The following CCDC18 variants were observed in gnomAD, a reference collection of about 807,000 sequenced individuals.
The protein encoded by CCDC18 is coiled-coil domain containing 18, also known as coiled-coil domain-containing protein 18.
In CCDC18, 157 loss-of-function variants were observed where a neutral mutation model predicts 196.0. The observed-to-expected ratio is 0.80, with a 90% CI of 0.70 to 0.91. The LOEUF (loss-of-function observed/expected upper bound fraction) is 0.91. Ranked by LOEUF, CCDC18 falls within the 40% of genes least tolerant of loss-of-function variation. The probability of loss-of-function intolerance (pLI) is 0.00; values close to 1 mark genes in which losing one functional copy is unlikely to be tolerated. For missense variants in CCDC18, 1,465 were observed against 1,611.6 expected (o/e 0.91, Z 1.56); for synonymous variants, 482 against 529.2 (o/e 0.91, Z 1.22).
chr1:93,270,400 A>C lies in CCDC18; in HGVS notation c.3939A>C (p.Glu1313Asp). ...QAKISGHEKA[E>D]DIKFLPAPFT... Reference sequence around the variant, plus strand: ...AAATTTCTGGACATGAAAAGGCAGAAGACATCAAGTTTCTGCCAGCCCCAT... The same window carrying C: ...AAATTTCTGGACATGAAAAGGCAGACGACATCAAGTTTCTGCCAGCCCCAT... The change falls in exon 28 of 29, where the codon GAA becomes GAC. Residue 1313 changes from glutamate (E) to aspartate (D), a missense_variant. By Grantham distance (45) the Glu-to-Asp change is conservative. Transcript: ENST00000690025. 1 of 1,550,306 alleles carries C rather than the reference A, an allele frequency of 6.5e-7. No individual in the cohort carries two copies. The highest frequency in any genetic ancestry group is 8.7e-7 in the Non-Finnish European group (1 of 1,146,794).
intron 19 of CCDC18, 26 bp from the exon 20 acceptor site, chr1:93,239,284 C>T (rs1570516670): frequency 1.4e-6 from 2 of 1,451,236 alleles, no homozygotes; most frequent in South Asian, 1.6e-5. Flanking sequence ...TCTAAATTAC[C>T]TGTTTTATTA....
chr1:93,242,489 G>T (rs1352089856), intron 21 of CCDC18, among the ~76,000 whole-genome samples: 1 of 152,158 alleles, frequency 6.6e-6, no homozygotes, highest in Non-Finnish European at 1.5e-5. Flanking sequence ...GATGAGATTT[G>T]GATGGGGTCA....
At chr1:93,271,265 C>T (rs1486532609) in intron 28 of CCDC18, 21 of 985,232 alleles carry the variant, frequency 2.1e-5, no homozygotes, top group Non-Finnish European at 2.5e-5. Flanking sequence ...AGTTGATTTA[C>T]TGAATTAGCC....
chr1:93,249,305 G>A (rs1661929044), intron 23 of CCDC18, among the ~76,000 whole-genome samples: 1 of 152,110 alleles, frequency 6.6e-6, no homozygotes, highest in Non-Finnish European at 1.5e-5. Context: ...GGTATGAGTT[G>A]TAATGTTTCC....
At chr1:93,272,831 A>G (rs1225480945) in intron 28 of CCDC18, among the ~76,000 whole-genome samples, 1 of 152,204 alleles carries the variant, frequency 6.6e-6, no homozygotes, top group Non-Finnish European at 1.5e-5. Flanking sequence ...CAGCTGTTGG[A>G]TATTGATAGG....
chr1:93,212,313 G>GT (rs372867774), intron 11 of CCDC18, 52 bp downstream of exon 11: 1,394 of 1,197,282 alleles, frequency 1.2e-3, no homozygotes, highest in South Asian at 2.8e-3. Flanking sequence ...TTGGATGATA[G>GT]TTTTTTTTTA....
At chr1:93,270,962 T>C (rs1665207591) in intron 28 of CCDC18, 148 bp downstream of exon 28, 4 of 1,385,866 alleles carry the variant, frequency 2.9e-6, no homozygotes, top group Middle Eastern at 2.7e-4. Context: ...GTAAAATCAA[T>C]ACCAAAAGAC....
At chr1:93,228,732 T>C (rs192938650) in intron 17 of CCDC18, among the ~76,000 whole-genome samples, 229 of 152,222 alleles carry the variant, frequency 1.5e-3, no homozygotes, top group African/African-American at 5.2e-3. Context: ...TACATTATTT[T>C]GGCATTTATT....
At chr1:93,184,445 A>T (rs1292144967) in intron 3 of CCDC18, among the ~76,000 whole-genome samples, 1 of 151,924 alleles carries the variant, frequency 6.6e-6, no homozygotes, top group Non-Finnish European at 1.5e-5. Flanking sequence ...CCTTGATTTT[A>T]ACACTACATC....
At chr1:93,249,862 A>G (rs1054022392) in intron 23 of CCDC18, among the ~76,000 whole-genome samples, 1 of 152,176 alleles carries the variant, frequency 6.6e-6, no homozygotes, top group Non-Finnish European at 1.5e-5. Context: ...AATTATTGCT[A>G]TAAACTTTCC....
At position 93,221,734 on chromosome 1, in the gene CCDC18, A is replaced by G; in HGVS notation, c.2088A>G (p.Glu696=). The G allele has an allele frequency of 6.3e-7, 1 of 1,598,084 alleles. No individual in the cohort carries two copies. The highest frequency in any genetic ancestry group is 1.4e-5 in the African/African-American group (1 of 73,808). Reference sequence around the variant, plus strand: ...AATCACTAGATAGACTCTTGACGGAAAGCAAAGGGGTAAAATCATCCTTAT... The same window carrying G: ...AATCACTAGATAGACTCTTGACGGAGAGCAAAGGGGTAAAATCATCCTTAT... ...HLESLDRLLT[E]SKGEMKKENM... Residue 696 remains glutamate, a synonymous_variant, in exon 15 of 29, where the codon GAA becomes GAG. Coordinates refer to ENST00000690025, the MANE Select transcript of CCDC18 (RefSeq NM_001378204.1).
At chr1:93,208,575 G>A (rs970416396) in intron 9 of CCDC18, among the ~76,000 whole-genome samples, 5 of 151,920 alleles carry the variant, frequency 3.3e-5, no homozygotes, top group East Asian at 1.9e-4. Flanking sequence ...GATTACAGGC[G>A]TGAGCCACCA....
chr1:93,194,407 C>T (rs6686544), intron 6 of CCDC18, among the ~76,000 whole-genome samples: 2,908 of 152,146 alleles, frequency 0.019, 85 homozygotes, highest in African/African-American at 0.066. Flanking sequence ...ATAATCTGTA[C>T]TAAGCAATTT....
In CCDC18 at chr1:93,246,206, T is replaced by A; in HGVS notation, c.3081+2T>A. ...GAACTAAAGCAAAGAGCAGCTCAGGTTGATTTTTCTTGATTATATTTTAAT... is the reference window on the plus strand; with the variant it reads ...GAACTAAAGCAAAGAGCAGCTCAGGATGATTTTTCTTGATTATATTTTAAT... On this transcript the variant is annotated splice_donor_variant, in intron 22 of 28. Coordinates refer to ENST00000690025, the MANE Select transcript of CCDC18 (RefSeq NM_001378204.1). LOFTEE classifies it high-confidence loss of function. 1.3e-6 allele frequency: 2 copies of A among 1,565,944 alleles called. No individual in the cohort carries two copies. The highest frequency in any genetic ancestry group is 1.7e-6 in the Non-Finnish European group (2 of 1,149,422).
At chr1:93,187,645 CAAACA>C (rs1468111093) in intron 4 of CCDC18, among the ~76,000 whole-genome samples, 2 of 151,738 alleles carry the variant, frequency 1.3e-5, no homozygotes, top group Non-Finnish European at 2.9e-5. Flanking sequence ...TCTGTTTTTT[CAAACA>C]AAACAAAATG....
At chr1:93,237,080 T>A (rs1660164217) in intron 19 of CCDC18, among the ~76,000 whole-genome samples, 1 of 152,168 alleles carries the variant, frequency 6.6e-6, no homozygotes, top group South Asian at 2.1e-4. Context: ...AAGAGTGAAC[T>A]TAGGCACTGG....
intron 24 of CCDC18, among the ~76,000 whole-genome samples, chr1:93,254,918 A>G (rs1410566506): frequency 7.9e-6 from 1 of 127,014 alleles, no homozygotes; most frequent in Non-Finnish European, 1.6e-5. Context: ...AGAAGCTGCT[A>G]TGTAATAGAA....
At chr1:93,238,406 T>C (rs1660327765) in intron 19 of CCDC18, among the ~76,000 whole-genome samples, 1 of 152,200 alleles carries the variant, frequency 6.6e-6, no homozygotes, top group Admixed American at 6.5e-5. Flanking sequence ...TTTTGCATAC[T>C]GTTTCAGGGG....
At chr1:93,230,353 G>A (rs532820726) in intron 17 of CCDC18, among the ~76,000 whole-genome samples, 26 of 151,668 alleles carry the variant, frequency 1.7e-4, no homozygotes, top group Admixed American at 3.3e-4. Context: ...TTAGCCGGGC[G>A]TGGTGGTGGG....
Sources: allele counts gnomAD v4.1 joint callset (sites outside exome capture counted in the v4.1 genomes callset), GRCh38; gene constraint gnomAD v4.1.1; transcripts MANE v1.5; gene names NCBI Gene and HGNC (gene_info 2026-07-23, HGNC 2026-07-21).